The following MEF2D variants were observed in gnomAD, a reference collection of about 807,000 sequenced individuals.
The protein encoded by MEF2D is myocyte enhancer factor 2D.
MEF2D carries 10 observed loss-of-function variants against 59.3 expected under a neutral mutation model. That is an observed-to-expected ratio of 0.17 (90% confidence interval 0.10 to 0.29). The LOEUF (loss-of-function observed/expected upper bound fraction) is 0.29, where lower values mean the gene tolerates loss of function less well. Among genes scored for constraint, MEF2D ranks in the 10% least tolerant of loss-of-function variants. The pLI is 1.00. For synonymous variants in MEF2D, 305 were observed against 295.0 expected (o/e 1.03, Z -0.35); for missense variants, 508 against 699.4 (o/e 0.73, Z 3.09).
intron 6 of MEF2D, among the ~76,000 whole-genome samples, chr1:156,478,810 G>A (rs978930756): frequency 2.6e-5 from 4 of 151,448 alleles, no homozygotes; most frequent in African/African-American, 9.8e-5. Context: ...GTTTACAGGC[G>A]TGAGCCACCA....
intron 9 of MEF2D, among the ~76,000 whole-genome samples, chr1:156,474,403 C>T (rs999181462): frequency 6.6e-6 from 1 of 151,884 alleles, no homozygotes; most frequent in African/African-American, 2.4e-5. Context: ...GAGCCAAGGT[C>T]ATAACACTGC....
chr1:156,473,782 C>T (rs1671394574), intron 9 of MEF2D, among the ~76,000 whole-genome samples: 1 of 152,174 alleles, frequency 6.6e-6, no homozygotes, highest in South Asian at 2.1e-4. Flanking sequence ...TCTTTACCTT[C>T]AGATCCCCTC....
intron 1 of MEF2D, among the ~76,000 whole-genome samples, chr1:156,493,674 C>T (rs1217849344): frequency 6.6e-6 from 1 of 152,166 alleles, no homozygotes; most frequent in Non-Finnish European, 1.5e-5. Context: ...CATGAGGATG[C>T]CGTGCAGGGA....
At chr1:156,480,576 G>A in intron 4 of MEF2D, 2 of 1,478,268 alleles carry the variant, frequency 1.4e-6, no homozygotes. Flanking sequence ...CATCAGGGCA[G>A]CCGAGAGCCA....
At chr1:156,495,732 G>A (rs1429167261) in intron 1 of MEF2D, among the ~76,000 whole-genome samples, 3 of 121,424 alleles carry the variant, frequency 2.5e-5, no homozygotes, top group Non-Finnish European at 4.8e-5. Context: ...GAGGGGTAAT[G>A]CTGAGGGTAA....
At chr1:156,479,930 T>G in intron 4 of MEF2D, 134 bp from the exon 5 acceptor site, 1 of 810,192 alleles carries the variant, frequency 1.2e-6, no homozygotes, top group Non-Finnish European at 1.9e-6. Context: ...TCAAGCTCCC[T>G]GCCCTGTGCC....
intron 1 of MEF2D, among the ~76,000 whole-genome samples, chr1:156,490,291 C>T (rs1180014967): frequency 1.3e-5 from 2 of 152,044 alleles, no homozygotes; most frequent in Non-Finnish European, 2.9e-5. Flanking sequence ...CCCCCTCCCA[C>T]AGCAGCCTCT....
At chr1:156,497,734 CAA>C (rs1390858113) in intron 1 of MEF2D, among the ~76,000 whole-genome samples, 1 of 152,114 alleles carries the variant, frequency 6.6e-6, no homozygotes, top group African/African-American at 2.4e-5. Context: ...AGGTGTGTGG[CAA>C]AGTGTCCAAC....
Position 156,466,480 on chromosome 1 carries a change from C to T in MEF2D, c.*1165G>A, listed in dbSNP as rs1451480125. On this transcript the variant is annotated 3_prime_UTR_variant, in exon 12 of 12. Coordinates refer to ENST00000348159, the MANE Select transcript of MEF2D (RefSeq NM_005920.4). ...TGGGGTCAGGAGCAGAAGGAGCTAA[C>T]AGGAGAAGCTAGGGAGAGGGGCCAA... 6.5e-6 allele frequency: 1 copy of T among 153,034 alleles called. No individual in the cohort carries two copies. Among genetic ancestry groups the T allele is most frequent in the Non-Finnish European group, 1.5e-5 (1 of 68,190 alleles). The allele number at this position is 153,034 out of a possible 1,614,324, so 9.5% of individuals were successfully genotyped here.
chr1:156,484,853 G>C (rs1430707327), intron 1 of MEF2D, among the ~76,000 whole-genome samples: 1 of 152,192 alleles, frequency 6.6e-6, no homozygotes, highest in Non-Finnish European at 1.5e-5. Context: ...ACATAGGCTG[G>C]GTGAGTCCTT....
At chr1:156,469,589 T>TAAAA (rs57183071) in intron 9 of MEF2D, among the ~76,000 whole-genome samples, 12 of 92,982 alleles carry the variant, frequency 1.3e-4, no homozygotes, top group Non-Finnish European at 2.1e-4. Flanking sequence ...GTGTTGAACT[T>TAAAA]AAAAAAAAAA....
chr1:156,476,865 T>A, intron 7 of MEF2D, 147 bp downstream of exon 7: 1 of 974,158 alleles, frequency 1.0e-6, no homozygotes, highest in East Asian at 2.6e-5. Flanking sequence ...GGAAGAAAAA[T>A]CTCATAAAAA....
At chr1:156,498,658 CACACACATACATAT>C (rs1673293253) in intron 1 of MEF2D, among the ~76,000 whole-genome samples, 1 of 149,724 alleles carries the variant, frequency 6.7e-6, no homozygotes, top group African/African-American at 2.4e-5. Context: ...AATGTACATG[CACACACATACATAT>C]ACACACATAT....
intron 3 of MEF2D, among the ~76,000 whole-genome samples, chr1:156,481,913 G>A (rs1438843816): frequency 6.6e-6 from 1 of 152,258 alleles, no homozygotes; most frequent in South Asian, 2.1e-4. Flanking sequence ...CATGTGGCCG[G>A]TAAAGGTCAG....
chr1:156,474,982 G>A, intron 9 of MEF2D, 126 bp downstream of exon 9: 3 of 1,364,794 alleles, frequency 2.2e-6, no homozygotes. Context: ...TAAGTAGGTG[G>A]GGGTTCCCCC....
intron 8 of MEF2D, among the ~76,000 whole-genome samples, chr1:156,476,142 CT>C (rs1671559983): frequency 1.3e-5 from 2 of 152,218 alleles, no homozygotes; most frequent in Admixed American, 6.5e-5. Context: ...ATCCAGCCCC[CT>C]AGTCCAGGGC....
At chr1:156,472,464 C>T (rs1257244360) in intron 9 of MEF2D, among the ~76,000 whole-genome samples, 1 of 152,250 alleles carries the variant, frequency 6.6e-6, no homozygotes, top group Non-Finnish European at 1.5e-5. Flanking sequence ...AGAGTCTGGT[C>T]CCTCAACATG....
In MEF2D at chr1:156,477,020, G is replaced by C; in HGVS notation, c.847C>G (p.His283Asp). 1 of 1,613,846 alleles carries C rather than the reference G, an allele frequency of 6.2e-7. No individual in the cohort carries two copies. Among genetic ancestry groups the C allele is most frequent in the Non-Finnish European group, 8.5e-7 (1 of 1,179,832 alleles). The change falls in exon 7 of 12, where the codon CAT (histidine) becomes GAT (aspartate). Residue 283 changes from histidine (H) to aspartate (D), a missense_variant. Around this residue, in one of 2 missense-constraint regions of MEF2D, gnomAD observed 481 missense variants for 584.7 expected, o/e 0.82. Coordinates refer to ENST00000348159, the MANE Select transcript of MEF2D (RefSeq NM_005920.4). ...ITSQAGKGLM[H>D]HLTEDHLDLN... Reference sequence around the variant, plus strand: ...CCCAGACACCCACTTACCAAGTGATGCATTAACCCCTTTCCTGCCTGGGAA... The same window carrying C: ...CCCAGACACCCACTTACCAAGTGATCCATTAACCCCTTTCCTGCCTGGGAA...
intron 9 of MEF2D, among the ~76,000 whole-genome samples, chr1:156,472,364 G>C (rs1007137159): frequency 1.3e-5 from 2 of 152,236 alleles, no homozygotes; most frequent in Admixed American, 1.3e-4. Flanking sequence ...GGACATCGTA[G>C]CCTGGGGCTG....
Sources: gnomAD v4.1 joint callset for allele counts (sites outside exome capture counted in the v4.1 genomes callset) on GRCh38, gnomAD v4.1.1 for gene constraint, gnomAD v4.1.1 regional missense constraint, MANE v1.5 for transcripts, NCBI Gene and HGNC (gene_info 2026-07-23, HGNC 2026-07-21) for gene names.